GRID1: variants seen among roughly 807,000 people sequenced by gnomAD.
The protein encoded by GRID1 is glutamate receptor ionotropic, delta-1.
A neutral mutation model predicts 98.0 loss-of-function variants in GRID1; 28 were observed. The observed-to-expected ratio is 0.29, with a 90% CI of 0.21 to 0.39. The LOEUF (loss-of-function observed/expected upper bound fraction) is 0.39. Ranked by LOEUF, GRID1 falls within the 10% of genes least tolerant of loss-of-function variation. The probability of loss-of-function intolerance (pLI) is 1.00; values close to 1 mark genes in which losing one functional copy is unlikely to be tolerated. For synonymous variants in GRID1, 553 were observed against 538.5 expected, an observed-to-expected ratio of 1.03 and a Z score of -0.37; for missense variants, 1,111 against 1,340.5, an observed-to-expected ratio of 0.83 and a Z score of 2.67.
At chr10:86,173,482 C>A (rs1223970766) in intron 3 of GRID1, among the ~76,000 whole-genome samples, 3 of 152,106 alleles carry the variant, frequency 2.0e-5, no homozygotes, top group Admixed American at 6.5e-5. Context: ...AAATCAGAAT[C>A]CTGACAAAGT....
At chr10:86,164,338 G>A (rs1303088773) in intron 3 of GRID1, among the ~76,000 whole-genome samples, 1 of 152,152 alleles carries the variant, frequency 6.6e-6, no homozygotes, top group African/African-American at 2.4e-5. Flanking sequence ...GCGCTGGGGT[G>A]GCCCACCCCC....
At chr10:85,809,143 G>T (rs940618096) in intron 8 of GRID1, among the ~76,000 whole-genome samples, 1 of 151,852 alleles carries the variant, frequency 6.6e-6, no homozygotes, top group Non-Finnish European at 1.5e-5. Flanking sequence ...AGCAGAAGAC[G>T]TGACTCGTTA....
chr10:85,769,388 C>A (rs565972475), intron 8 of GRID1, among the ~76,000 whole-genome samples: 1 of 152,144 alleles, frequency 6.6e-6, no homozygotes, highest in Non-Finnish European at 1.5e-5. Context: ...CAGCTCCCAG[C>A]GTGAGCGACA....
intron 8 of GRID1, among the ~76,000 whole-genome samples, chr10:85,829,901 T>C (rs1163530803): frequency 3.9e-5 from 6 of 152,184 alleles, no homozygotes; most frequent in African/African-American, 9.6e-5. Context: ...AATTTACAGA[T>C]GCAATGCTAT....
chr10:85,701,291 T>C (rs1356308160), intron 12 of GRID1, among the ~76,000 whole-genome samples: 1 of 152,144 alleles, frequency 6.6e-6, no homozygotes, highest in Non-Finnish European at 1.5e-5. Context: ...ACAGCTCTGC[T>C]GGGTACAGTA....
chr10:85,769,655 G>A (rs1350500441), intron 8 of GRID1, among the ~76,000 whole-genome samples: 1 of 152,176 alleles, frequency 6.6e-6, no homozygotes, highest in East Asian at 1.9e-4. Flanking sequence ...TTAAAAAATG[G>A]CACACCAGGA....
intron 4 of GRID1, among the ~76,000 whole-genome samples, chr10:85,976,507 C>T (rs538583921): frequency 3.0e-4 from 45 of 152,348 alleles, no homozygotes; most frequent in African/African-American, 1.0e-3. Flanking sequence ...GCTACAGATT[C>T]TAGCTTCTGC....
In GRID1 at chr10:85,854,712, G is replaced by A. The variant is rs547250244; in HGVS notation, c.1114-97C>T. On this transcript the variant is annotated intron_variant, in intron 7 of 15. Coordinates refer to ENST00000327946, the MANE Select transcript of GRID1 (RefSeq NM_017551.3). ...AGCAAGGAAGTGGTCACCAAGAACG[G>A]AGCAATCAGTTTTGAGACCATGGAC... 4 of 1,266,256 alleles carry A rather than the reference G, an allele frequency of 3.2e-6. No individual in the cohort carries two copies. The South Asian group carries it at 5.1e-5, about 16-fold the overall frequency. The allele number at this position is 1,266,256 out of a possible 1,614,324, so 78.4% of individuals were successfully genotyped here.
At chr10:86,167,942 C>T (rs1845424439) in intron 3 of GRID1, among the ~76,000 whole-genome samples, 1 of 152,270 alleles carries the variant, frequency 6.6e-6, no homozygotes, top group South Asian at 2.1e-4. Flanking sequence ...AGTGGGTTCT[C>T]CAGGACAGAA....
chr10:86,238,381 G>A (rs1159564597), intron 2 of GRID1, among the ~76,000 whole-genome samples: 2 of 152,344 alleles, frequency 1.3e-5, no homozygotes, highest in Non-Finnish European at 2.9e-5. Context: ...GGCCAAGGTG[G>A]CCAGGGGTGG....
chr10:85,879,364 G>C (rs1178488767), intron 5 of GRID1, among the ~76,000 whole-genome samples: 3 of 152,148 alleles, frequency 2.0e-5, no homozygotes, highest in Non-Finnish European at 2.9e-5. Context: ...TGACCACATA[G>C]TTGGAAGTAA....
chr10:85,946,120 G>A (rs1311101345), intron 4 of GRID1, among the ~76,000 whole-genome samples: 1 of 152,124 alleles, frequency 6.6e-6, no homozygotes, highest in Non-Finnish European at 1.5e-5. Context: ...AAATGTCTTA[G>A]CATCAAGTCC....
intron 15 of GRID1, among the ~76,000 whole-genome samples, chr10:85,604,014 T>C (rs568012686): frequency 2.0e-5 from 3 of 152,282 alleles, no homozygotes; most frequent in African/African-American, 7.2e-5. Context: ...GTGGGGACAG[T>C]GGGAGAGGAT....
chr10:86,319,003 G>C (rs1847934261), intron 2 of GRID1, among the ~76,000 whole-genome samples: 1 of 152,186 alleles, frequency 6.6e-6, no homozygotes, highest in African/African-American at 2.4e-5. Flanking sequence ...GTCTCACGGA[G>C]ACAGTGAAGG....
intron 4 of GRID1, among the ~76,000 whole-genome samples, chr10:85,939,794 G>C (rs977413781): frequency 1.3e-5 from 2 of 152,116 alleles, no homozygotes; most frequent in East Asian, 3.9e-4. Context: ...GGCTGAGTGT[G>C]GTGGTTCATG....
intron 2 of GRID1, among the ~76,000 whole-genome samples, chr10:86,352,029 G>A (rs925198549): frequency 3.3e-5 from 5 of 152,244 alleles, no homozygotes; most frequent in South Asian, 4.1e-4. Context: ...GGGGCCAGGC[G>A]TGATGGCTCA....
At chr10:85,610,883 G>A (rs1287498498) in intron 15 of GRID1, among the ~76,000 whole-genome samples, 1 of 152,182 alleles carries the variant, frequency 6.6e-6, no homozygotes, top group Admixed American at 6.5e-5. Flanking sequence ...ACACCAGAAG[G>A]GGTTGGAGGA....
intron 2 of GRID1, among the ~76,000 whole-genome samples, chr10:86,260,878 G>A (rs1847006532): frequency 6.6e-6 from 1 of 152,246 alleles, no homozygotes; most frequent in Non-Finnish European, 1.5e-5. Context: ...CTGTGATGGA[G>A]GAAATGTTTT....
intron 12 of GRID1, among the ~76,000 whole-genome samples, chr10:85,711,632 T>TG (rs1841582706): frequency 1.3e-5 from 2 of 151,912 alleles, no homozygotes; most frequent in Admixed American, 6.6e-5. Flanking sequence ...TTTTATGTTA[T>TG]GTATATTTTA....
Sources: allele counts gnomAD v4.1 joint callset (sites outside exome capture counted in the v4.1 genomes callset), GRCh38; gene constraint gnomAD v4.1.1; transcripts MANE v1.5; gene names NCBI Gene and HGNC (gene_info 2026-07-23, HGNC 2026-07-21).